The following HDAC9 variants were observed in gnomAD, a reference collection of about 807,000 sequenced individuals.
HDAC9 encodes MEF-2 interacting transcription repressor (MITR) protein.
A neutral mutation model predicts 139.4 loss-of-function variants in HDAC9; 41 were observed. The ratio of observed to expected loss-of-function variants is 0.29; its 90% CI spans 0.23 to 0.38. The LOEUF (loss-of-function observed/expected upper bound fraction) is 0.38, where lower values mean the gene tolerates loss of function less well. Ranked by LOEUF, HDAC9 falls within the 10% of genes least tolerant of loss-of-function variation. HDAC9 has a pLI of 1.00. For synonymous variants in HDAC9, 517 were observed against 476.2 expected (o/e 1.09, Z -1.12); for missense variants, 1,147 against 1,297.0 (o/e 0.88, Z 1.78).
chr7:18,582,520 A>ATATT (rs1554516554), intron 2 of HDAC9, among the ~76,000 whole-genome samples: 37 of 151,992 alleles, frequency 2.4e-4, no homozygotes, highest in African/African-American at 8.9e-4. Context: ...ATATATATAT[A>ATATT]TTTTTTAAAT....
intron 1 of HDAC9, among the ~76,000 whole-genome samples, chr7:18,417,721 G>A (rs560384766): frequency 4.6e-5 from 7 of 152,234 alleles, no homozygotes; most frequent in Non-Finnish European, 1.0e-4. Flanking sequence ...TGGCTGGTAG[G>A]AACAGCATTC....
rs1441456927 is a variant in HDAC9, at chr7:19,000,973, ATCTCT to A, written c.*4918_*4922del. Reference sequence around the variant, plus strand: ...ATAGATACTCTGTCTTTTGTTTTTTATCTCTTCTCTTTTCAAGAGTCACTTGACTT... The same window carrying A: ...ATAGATACTCTGTCTTTTGTTTTTTATCTCTTTTCAAGAGTCACTTGACTT... On this transcript the variant is annotated 3_prime_UTR_variant, in exon 26 of 26. Transcript: ENST00000686413. 2.0e-5 allele frequency: 3 copies of A among 152,106 alleles called. No individual in the cohort carries two copies. Among genetic ancestry groups the A allele is most frequent in the African/African-American group, 4.8e-5 (2 of 41,450 alleles). The allele number at this position is 152,106 out of a possible 1,614,324, so 9.4% of individuals were successfully genotyped here.
At chr7:18,296,888 A>G (rs1455862935) in intron 1 of HDAC9, among the ~76,000 whole-genome samples, 3 of 152,200 alleles carry the variant, frequency 2.0e-5, no homozygotes, top group African/African-American at 7.2e-5. Context: ...GAACAGAATC[A>G]CAGAAGGAGG....
intron 12 of HDAC9, among the ~76,000 whole-genome samples, chr7:18,687,694 TG>T (rs1381662971): frequency 4.0e-5 from 6 of 151,888 alleles, no homozygotes; most frequent in African/African-American, 1.4e-4. Flanking sequence ...GGTTAATTAA[TG>T]GACTAGGCTA....
At chr7:18,589,458 C>T (rs908311934) in intron 3 of HDAC9, among the ~76,000 whole-genome samples, 2 of 152,058 alleles carry the variant, frequency 1.3e-5, no homozygotes, top group Admixed American at 6.6e-5. Flanking sequence ...CGCTTGAGCC[C>T]AGGAGATTGA....
upstream of HDAC9, chr7:18,290,401 T>C (rs988741674): frequency 1.1e-5 from 5 of 452,204 alleles, no homozygotes; most frequent in Admixed American, 7.2e-5. Flanking sequence ...GACTAACCAC[T>C]TCCCTTCCTT....
At chr7:18,363,750 G>A (rs1259144391) in intron 1 of HDAC9, among the ~76,000 whole-genome samples, 1 of 152,094 alleles carries the variant, frequency 6.6e-6, no homozygotes, top group African/African-American at 2.4e-5. Flanking sequence ...AGAGACAAAC[G>A]GGGACATTAC....
intron 2 of HDAC9, among the ~76,000 whole-genome samples, chr7:18,273,054 T>TCC (rs1796478039): frequency 9.1e-6 from 1 of 109,932 alleles, no homozygotes; most frequent in Non-Finnish European, 1.8e-5. Flanking sequence ...TTCCCCTTCT[T>TCC]CGTTTTTTTT....
chr7:18,815,262 C>G (rs998074360), intron 17 of HDAC9, among the ~76,000 whole-genome samples: 3 of 151,224 alleles, frequency 2.0e-5, no homozygotes, highest in African/African-American at 7.3e-5. Context: ...CAAAAAATAT[C>G]TGATTTTTTT....
At chr7:18,648,806 C>A in intron 11 of HDAC9, 123 bp downstream of exon 11, 1 of 783,664 alleles carries the variant, frequency 1.3e-6, no homozygotes, top group Non-Finnish European at 2.1e-6. Context: ...TGTGATCATC[C>A]TAAGCCTGCT....
At chr7:18,827,200 T>C (rs1318771528) in intron 17 of HDAC9, among the ~76,000 whole-genome samples, 1 of 152,024 alleles carries the variant, frequency 6.6e-6, no homozygotes, top group Non-Finnish European at 1.5e-5. Context: ...CTTCAAAAAT[T>C]TACATGATAA....
intron 2 of HDAC9, among the ~76,000 whole-genome samples, chr7:18,255,193 C>T (rs1182586630): frequency 1.3e-5 from 2 of 152,028 alleles, no homozygotes; most frequent in African/African-American, 4.8e-5. Context: ...AAAAAGCAGC[C>T]ATAACTTCCA....
chr7:18,932,532 C>T (rs985444643), intron 22 of HDAC9, among the ~76,000 whole-genome samples: 24 of 152,030 alleles, frequency 1.6e-4, no homozygotes, highest in African/African-American at 4.8e-4. Context: ...AATCTCCAAT[C>T]GGTCGGAGTT....
chr7:18,412,444 A>G (rs770947056), intron 1 of HDAC9, among the ~76,000 whole-genome samples: 13 of 152,268 alleles, frequency 8.5e-5, no homozygotes, highest in African/African-American at 3.1e-4. Context: ...ACTATAAGGG[A>G]TGGTATTAGT....
intron 12 of HDAC9, among the ~76,000 whole-genome samples, chr7:18,702,805 C>G (rs1783610514): frequency 6.6e-6 from 1 of 152,204 alleles, no homozygotes. Flanking sequence ...TCTTTGCAAC[C>G]AACACTGCGG....
chr7:18,726,707 ATTCT>A (rs915549999), intron 12 of HDAC9, among the ~76,000 whole-genome samples: 13 of 150,106 alleles, frequency 8.7e-5, no homozygotes, highest in South Asian at 6.2e-4. Flanking sequence ...AAATAAATAA[ATTCT>A]TTATTAATAA....
intron 1 of HDAC9, among the ~76,000 whole-genome samples, chr7:18,482,808 G>C (rs1018808738): frequency 6.6e-6 from 1 of 152,158 alleles, no homozygotes; most frequent in Non-Finnish European, 1.5e-5. Context: ...CCAGTGGCTT[G>C]CTGCCCTCTC....
intron 2 of HDAC9, among the ~76,000 whole-genome samples, chr7:18,271,081 TTGTCTGTATTGCAAACATTGCAG>T (rs1332787945): frequency 1.3e-5 from 2 of 152,196 alleles, no homozygotes; most frequent in Non-Finnish European, 2.9e-5. Context: ...TCTACAAAGT[TTGTCTGTATTGCAAACATTGCAG>T]TGTAATATTG....
intron 6 of HDAC9, among the ~76,000 whole-genome samples, chr7:18,623,524 G>A (rs1431921013): frequency 6.6e-6 from 1 of 151,284 alleles, no homozygotes; most frequent in African/African-American, 2.4e-5. Context: ...TTTTTTTTAT[G>A]ATAGACAACC....
Sources: gnomAD v4.1 joint callset for allele counts (sites outside exome capture counted in the v4.1 genomes callset) on GRCh38, gnomAD v4.1.1 for gene constraint, MANE v1.5 for transcripts, NCBI Gene and HGNC (gene_info 2026-07-23, HGNC 2026-07-21) for gene names.